Variants in ADGRL4 observed in about 807,000 individuals in gnomAD.
ADGRL4 encodes adhesion G protein-coupled receptor L4.
Under a neutral mutation model 74.8 loss-of-function variants are expected in ADGRL4, and 90 were observed. The observed-to-expected ratio is 1.20, with a 90% CI of 1.02 to 1.43. The LOEUF is 1.43. ADGRL4 is among the 40% of genes most tolerant of loss of function. The pLI is 0.00. For missense variants in ADGRL4, 881 were observed against 814.3 expected, an observed-to-expected ratio of 1.08 and a Z score of -1.00; for synonymous variants, 311 against 279.2, an observed-to-expected ratio of 1.11 and a Z score of -1.14.
chr1:78,977,500 A>C (rs2100723027), intron 2 of ADGRL4, among the ~76,000 whole-genome samples: 1 of 152,050 alleles, frequency 6.6e-6, no homozygotes, highest in Admixed American at 6.6e-5. Context: ...AATGCAAAGG[A>C]CTAAATATAT....
intron 2 of ADGRL4, among the ~76,000 whole-genome samples, chr1:78,968,307 G>C (rs535786780): frequency 6.6e-6 from 1 of 152,008 alleles, no homozygotes; most frequent in Non-Finnish European, 1.5e-5. Context: ...TTCTTGGAAG[G>C]CCAGAGGGTT....
chr1:78,949,956 G>A (rs958712193), intron 2 of ADGRL4, among the ~76,000 whole-genome samples: 1 of 151,996 alleles, frequency 6.6e-6, no homozygotes, highest in Non-Finnish European at 1.5e-5. Context: ...AGTTAAGCAC[G>A]GCAAGAACAC....
intron 2 of ADGRL4, among the ~76,000 whole-genome samples, chr1:79,000,032 A>G (rs1198900997): frequency 6.6e-6 from 1 of 152,168 alleles, no homozygotes; most frequent in Non-Finnish European, 1.5e-5. Flanking sequence ...AAAATTTTGC[A>G]TAACATTTTT....
In ADGRL4 at chr1:78,889,998, A is replaced by G. The variant is rs894670301; in HGVS notation, c.*1156T>C. 37 of 218,754 alleles carry G rather than the reference A, an allele frequency of 1.7e-4. No homozygotes were observed. Among genetic ancestry groups the G allele is most frequent in the African/African-American group, 8.0e-4 (34 of 42,346 alleles). 13.6% of individuals were successfully genotyped at this position (218,754 alleles called of 1,614,324 possible). A position where few individuals can be genotyped will look rare whatever the true frequency, so the allele number is the denominator to read the frequency against. On this transcript the variant is annotated 3_prime_UTR_variant, in exon 15 of 15. Coordinates refer to ENST00000370742, the MANE Select transcript of ADGRL4 (RefSeq NM_022159.4). ...GATATGATTTAATAGATAGTAGAAA[A>G]CTGTCAGAAAATGGATCCACTGTGA... is the stretch of plus-strand genomic sequence containing the variant.
chr1:78,917,954 C>T lies in ADGRL4; in HGVS notation c.1558G>A (p.Val520Met). ...IEGIHLYLIV[V>M]GVIYNKGFLH... ...AATCCCTTGTTGTAGATGACACCCA[C>T]AACAATGAGATAGAGATGTATGCCT... Residue 520 changes from valine to methionine, a missense_variant, in exon 11 of 15, where the codon GTG (valine) becomes ATG (methionine). Physicochemically the swap from Val to Met is conservative, Grantham distance 21 (BLOSUM62 1). Coordinates refer to ENST00000370742, the MANE Select transcript of ADGRL4 (RefSeq NM_022159.4). The T allele has an allele frequency of 1.9e-6, 3 of 1,612,026 alleles. No homozygotes were observed. Among genetic ancestry groups the T allele is most frequent in the Non-Finnish European group, 2.5e-6 (3 of 1,179,010 alleles).
chr1:78,931,266 G>A (rs558060585), intron 7 of ADGRL4, among the ~76,000 whole-genome samples: 9 of 151,438 alleles, frequency 5.9e-5, no homozygotes, highest in Non-Finnish European at 8.8e-5. Flanking sequence ...AAGAGATTGG[G>A]GGCCAATATT....
At chr1:78,966,385 A>T (rs561085413) in intron 2 of ADGRL4, among the ~76,000 whole-genome samples, 2 of 152,298 alleles carry the variant, frequency 1.3e-5, no homozygotes, top group South Asian at 4.1e-4. Context: ...TCTCATGATC[A>T]TGTGACCAGG....
rs1349078026 is a variant in ADGRL4 at position 78,917,716 on chromosome 1, A to C, written c.1683-16T>G. ...AAGCCAACATCTGAAAAGTAAATAA[A>C]AGATAGAATCTATAAATATGTTTGC... On this transcript the variant is annotated splice_polypyrimidine_tract_variant and intron_variant, in intron 11 of 14. Transcript: ENST00000370742. 1.2e-6 allele frequency: 2 copies of C among 1,600,134 alleles called. No individual in the cohort carries two copies. Among genetic ancestry groups the C allele is most frequent in the Non-Finnish European group, 1.7e-6 (2 of 1,172,560 alleles).
At chr1:78,953,198 C>A (rs1310432578) in intron 2 of ADGRL4, among the ~76,000 whole-genome samples, 1 of 152,040 alleles carries the variant, frequency 6.6e-6, no homozygotes, top group Admixed American at 6.6e-5. Context: ...TTCAAACTAT[C>A]AAAGACTCTA....
intron 2 of ADGRL4, among the ~76,000 whole-genome samples, chr1:78,993,441 G>A (rs1345857270): frequency 6.6e-6 from 1 of 152,138 alleles, no homozygotes; most frequent in Non-Finnish European, 1.5e-5. Flanking sequence ...TGTTTATGAA[G>A]TTTGGTTCAT....
intron 2 of ADGRL4, 84 bp from the exon 3 acceptor site, chr1:78,946,510 A>G (rs1220885409): frequency 1.7e-6 from 2 of 1,162,518 alleles, no homozygotes; most frequent in African/African-American, 1.6e-5. Context: ...TGGAATATTG[A>G]CTGTTAGATA....
chr1:78,904,390 G>A (rs1648586443), intron 12 of ADGRL4, among the ~76,000 whole-genome samples: 1 of 151,880 alleles, frequency 6.6e-6, no homozygotes, highest in African/African-American at 2.4e-5. Context: ...TAATATTTTA[G>A]TGAGAATCAT....
intron 1 of ADGRL4, among the ~76,000 whole-genome samples, chr1:79,005,959 GAC>G (rs1245038999): frequency 6.6e-6 from 1 of 152,090 alleles, no homozygotes; most frequent in Non-Finnish European, 1.5e-5. Context: ...CAAGGAACAA[GAC>G]TATACATCAG....
At chr1:78,998,451 C>G (rs1650767515) in intron 2 of ADGRL4, among the ~76,000 whole-genome samples, 1 of 144,502 alleles carries the variant, frequency 6.9e-6, no homozygotes, top group South Asian at 2.2e-4. Context: ...CTCACTGCAA[C>G]CTCTGCCTCC....
chr1:78,927,871 C>T, intron 7 of ADGRL4, among the ~76,000 whole-genome samples: 1 of 152,068 alleles, frequency 6.6e-6, no homozygotes, highest in South Asian at 2.1e-4. Flanking sequence ...TCTAAAAAGG[C>T]ACCTCAAGAG....
chr1:78,899,481 G>A (rs1570210890), intron 12 of ADGRL4, among the ~76,000 whole-genome samples: 1 of 152,092 alleles, frequency 6.6e-6, no homozygotes, highest in Admixed American at 6.6e-5. Flanking sequence ...AGCCTCCTGA[G>A]TAGCTGGGAC....
rs770040543 is a variant in ADGRL4 at position 78,891,548 on chromosome 1, T to TA, written c.1985dup (p.Leu662PhefsTer8). Reference sequence around the variant, plus strand: ...CCTTTCTAGATAAAACACACAGGAATAAAAAAATGAACATCCCCTGGAAAG... The same window carrying TA: ...CCTTTCTAGATAAAACACACAGGAATAAAAAAAATGAACATCCCCTGGAAAG... On this transcript the variant is annotated frameshift_variant, in exon 14 of 15. Coordinates refer to ENST00000370742, the MANE Select transcript of ADGRL4 (RefSeq NM_022159.4). LOFTEE classifies it high-confidence loss of function. 4.2e-5 allele frequency: 68 copies of TA among 1,612,758 alleles called. No homozygotes were observed. Among genetic ancestry groups the TA allele is most frequent in the Non-Finnish European group, 5.4e-5 (64 of 1,179,564 alleles).
At chr1:78,919,653 T>C (rs1476535653) in intron 10 of ADGRL4, among the ~76,000 whole-genome samples, 1 of 151,888 alleles carries the variant, frequency 6.6e-6, no homozygotes, top group Admixed American at 6.6e-5. Context: ...TATTGCATAC[T>C]TAACCCCATC....
rs1649129101 is a variant in ADGRL4, at chr1:78,926,985, C to G, written c.984G>C (p.Glu328Asp). ...AAATTACTGAAGATATGACTCTTTCCTCCTCTTCAGAATTATCATAATTTT... is the reference window on the plus strand; with the variant it reads ...AAATTACTGAAGATATGACTCTTTCGTCCTCTTCAGAATTATCATAATTTT... ...KPQNYDNSEE[E>D]ERVISSVISV... Residue 328 changes from glutamate to aspartate, a missense_variant, in exon 8 of 15, where the codon GAG becomes GAC. Glu to Asp is a conservative substitution (Grantham distance 45). Transcript: ENST00000370742. 1.2e-6 allele frequency: 2 copies of G among 1,611,446 alleles called. No individual in the cohort carries two copies. Among genetic ancestry groups the G allele is most frequent in the African/African-American group, 2.7e-5 (2 of 74,776 alleles).
Sources: gnomAD v4.1 joint callset for allele counts (sites outside exome capture counted in the v4.1 genomes callset) on GRCh38, gnomAD v4.1.1 for gene constraint, MANE v1.5 for transcripts, NCBI Gene and HGNC (gene_info 2026-07-23, HGNC 2026-07-21) for gene names.